Variants in CEP72 observed in about 807,000 individuals in gnomAD.
CEP72 encodes the protein centrosomal protein of 72 kDa.
Under a neutral mutation model 65.7 loss-of-function variants are expected in CEP72, and 78 were observed. The observed-to-expected ratio is 1.19, with a 90% confidence interval of 0.99 to 1.43. The LOEUF is 1.43. Ranked by LOEUF, CEP72 falls within the 40% of genes most tolerant of loss-of-function variation. The probability of loss-of-function intolerance (pLI) is 0.00; values close to 1 mark genes in which losing one functional copy is unlikely to be tolerated. For missense variants in CEP72, 914 were observed against 832.9 expected (o/e 1.10, Z -1.20); for synonymous variants, 358 against 351.7 (o/e 1.02, Z -0.20).
chr5:613,995 G>A (rs759883513), intron 1 of CEP72, among the ~76,000 whole-genome samples: 3 of 152,212 alleles, frequency 2.0e-5, no homozygotes, highest in African/African-American at 4.8e-5. Flanking sequence ...CTGACCTCGG[G>A]ACATGCCGAG....
intron 11 of CEP72, among the ~76,000 whole-genome samples, chr5:651,084 C>T (rs868618262): frequency 4.4e-4 from 14 of 31,700 alleles, no homozygotes; most frequent in African/African-American, 8.6e-4. Context: ...GACTGTGAGG[C>T]GTGGACTGTG....
At chr5:663,137 ACCG>A (rs1561077224) in intron 1 of CEP72, 2 of 68,996 alleles carry the variant, frequency 2.9e-5, no homozygotes. Context: ...GATTCCGGTG[ACCG>A]CTCGTCTGTG....
intron 8 of CEP72, among the ~76,000 whole-genome samples, chr5:640,079 G>A (rs1404477774): frequency 1.3e-5 from 2 of 152,242 alleles, no homozygotes; most frequent in South Asian, 2.1e-4. Context: ...GCCAGCTGTC[G>A]TCTGCATGGT....
chr5:673,367 A>G, the CEP72 span, among the ~76,000 whole-genome samples: 1 of 152,180 alleles, frequency 6.6e-6, no homozygotes, highest in East Asian at 1.9e-4. Flanking sequence ...TCCAAGCTGC[A>G]GGAGGGAAGG....
Position 633,928 on chromosome 5 carries a change from CG to C in CEP72, c.673del (p.Asp225ThrfsTer12). 1 of 1,612,266 alleles carries C rather than the reference CG, an allele frequency of 6.2e-7. No homozygotes were observed. The stretch of plus-strand genomic sequence containing the variant: ...GCTTCAGCCAGAAGGGGCGTGAGGC[CG>C]ACTCTCGTGGTTCCCAAGGTGCGCT... Reference protein sequence around the residue: ...TSFSQKGREADSRGSQESRHL... With the variant: ...TSFSQKGREAXSRGSQESRHL... On this transcript the variant is annotated frameshift_variant, in exon 5 of 12. Transcript: ENST00000264935. LOFTEE classifies it high-confidence loss of function.
At chr5:667,383 C>T (rs957394822), downstream of CEP72, among the ~76,000 whole-genome samples, 1 of 152,176 alleles carries the variant, frequency 6.6e-6, no homozygotes, top group Non-Finnish European at 1.5e-5. Context: ...AATTAAAATG[C>T]ACTTTGGTCT....
At chr5:654,096 C>CTG (rs1189944863), downstream of CEP72, among the ~76,000 whole-genome samples, 2 of 125,638 alleles carry the variant, frequency 1.6e-5, no homozygotes, top group African/African-American at 6.2e-5. Context: ...TGTGTGCTAG[C>CTG]TGTGTGTGTG....
downstream of CEP72, chr5:662,090 C>T (rs1373928752): frequency 1.3e-5 from 2 of 152,408 alleles, no homozygotes; most frequent in Non-Finnish European, 2.9e-5. Flanking sequence ...ATGCACGCCA[C>T]GATTTTCTCT....
intron 1 of CEP72, among the ~76,000 whole-genome samples, chr5:612,890 A>G (rs1735763596): frequency 6.6e-6 from 1 of 152,202 alleles, no homozygotes; most frequent in Admixed American, 6.5e-5. Flanking sequence ...TTTGGCGTCA[A>G]GGTGAAGCCG....
intron 4 of CEP72, chr5:666,214 G>A: frequency 7.0e-7 from 1 of 1,438,278 alleles, no homozygotes; most frequent in South Asian, 1.3e-5. Context: ...GGACAGCCAT[G>A]GCCCAGCAGC....
At chr5:654,829 C>G (rs769897855), downstream of CEP72, among the ~76,000 whole-genome samples, 2 of 115,396 alleles carry the variant, frequency 1.7e-5, no homozygotes, top group African/African-American at 5.2e-5. Context: ...GACCCCGTCT[C>G]TCACTTCTTC....
downstream of CEP72, among the ~76,000 whole-genome samples, chr5:669,500 G>C (rs1740113189): frequency 6.6e-6 from 1 of 152,182 alleles, no homozygotes; most frequent in Non-Finnish European, 1.5e-5. Flanking sequence ...GCCTCTGTCT[G>C]TCCTGGGCCG....
intron 2 of CEP72, 88 bp downstream of exon 2, chr5:619,205 C>T (rs7724252): frequency 0.023 from 29,407 of 1,297,246 alleles, 392 homozygotes; most frequent in African/African-American, 0.028. Context: ...TGTTTTGTAA[C>T]CCTCTGCTTA....
intron 2 of CEP72, chr5:664,337 T>C (rs1739807407): frequency 6.6e-6 from 1 of 152,420 alleles, no homozygotes; most frequent in Admixed American, 6.5e-5. Context: ...TCTGAGAACA[T>C]AGGCAGCCAC....
intron 1 of CEP72, chr5:662,367 TGCTTGTCTGAG>T (rs1168674436): frequency 6.6e-6 from 1 of 152,472 alleles, no homozygotes; most frequent in East Asian, 1.9e-4. Flanking sequence ...CTCGAGGCCG[TGCTTGTCTGAG>T]GCCAACCAGG....
chr5:612,817 C>T (rs1735759386), intron 1 of CEP72, among the ~76,000 whole-genome samples: 1 of 152,226 alleles, frequency 6.6e-6, no homozygotes, highest in Non-Finnish European at 1.5e-5. Flanking sequence ...GTGATTGTTG[C>T]GCTCGGCCTT....
At position 612,433 on chromosome 5, in the gene CEP72, C is replaced by T; in HGVS notation, c.72C>T (p.His24=). 6.8e-7 allele frequency: 1 copy of T among 1,460,480 alleles called. No homozygotes were observed. The highest frequency in any genetic ancestry group is 9.0e-7 in the Non-Finnish European group (1 of 1,108,200). 90.5% of individuals were successfully genotyped at this position (1,460,480 alleles called of 1,614,324 possible). The stretch of plus-strand genomic sequence containing the variant: ...GGGCGAAGAGCGGCTTAGGGCCTCA[C>T]CGCGACCTGGGTGCGCCGGAGGGCG... ...AVRAKSGLGP[H]RDLAELQSLS... is the part of the protein sequence containing the mutation. Residue 24 remains histidine (H), a synonymous_variant, in exon 1 of 12, where the codon CAC becomes CAT. Transcript: ENST00000264935.
chr5:658,890 A>C (rs375115198), downstream of CEP72, among the ~76,000 whole-genome samples: 3 of 152,056 alleles, frequency 2.0e-5, no homozygotes, highest in Non-Finnish European at 2.9e-5. Flanking sequence ...GGATGGTCTC[A>C]ATCTCCTGAC....
intron 9 of CEP72, 132 bp downstream of exon 9, chr5:640,736 C>A: frequency 6.9e-7 from 1 of 1,439,022 alleles, no homozygotes; most frequent in Non-Finnish European, 9.1e-7. Flanking sequence ...TGTCTCCACT[C>A]CCTGCCCGGG....
Sources: gnomAD v4.1 joint callset for allele counts (sites outside exome capture counted in the v4.1 genomes callset) on GRCh38, gnomAD v4.1.1 for gene constraint, MANE v1.5 for transcripts, NCBI Gene and HGNC (gene_info 2026-07-23, HGNC 2026-07-21) for gene names.